EFHD1: variants seen among roughly 807,000 people sequenced by gnomAD.
EFHD1 encodes EF-hand domain-containing protein D1.
EFHD1 carries 10 observed loss-of-function variants against 17.2 expected under a neutral mutation model. That is an observed-to-expected ratio of 0.58 (90% CI 0.36 to 0.99). The LOEUF is 0.99. Among genes scored for constraint, EFHD1 ranks in the 50% least tolerant of loss-of-function variants. The pLI, the probability that EFHD1 is intolerant of heterozygous loss-of-function variation, is 0.01. For missense variants in EFHD1, 310 were observed against 327.5 expected, an observed-to-expected ratio of 0.95 and a Z score of 0.41; for synonymous variants, 153 against 142.0, an observed-to-expected ratio of 1.08 and a Z score of -0.55.
chr2:232,613,617 C>CATAT (rs1163658482), intron 1 of EFHD1, among the ~76,000 whole-genome samples: 1 of 149,562 alleles, frequency 6.7e-6, no homozygotes, highest in South Asian at 2.1e-4. Context: ...CACACACACA[C>CATAT]ACACACACAC....
intron 1 of EFHD1, among the ~76,000 whole-genome samples, chr2:232,653,259 C>T (rs1312860400): frequency 2.6e-5 from 4 of 152,054 alleles, no homozygotes; most frequent in African/African-American, 7.2e-5. Flanking sequence ...TCCCAAAATG[C>T]TAGGATTACA....
At chr2:232,639,549 C>G (rs1694385585) in intron 1 of EFHD1, among the ~76,000 whole-genome samples, 2 of 152,172 alleles carry the variant, frequency 1.3e-5, no homozygotes, top group African/African-American at 4.8e-5. Context: ...ACTTTATACC[C>G]TCAGCCCTGT....
intron 1 of EFHD1, among the ~76,000 whole-genome samples, chr2:232,625,155 G>A (rs1334080466): frequency 1.3e-5 from 2 of 152,138 alleles, no homozygotes; most frequent in African/African-American, 4.8e-5. Flanking sequence ...TTGAGACAAA[G>A]TCTCACTCTG....
At chr2:232,680,298 C>T (rs1018696411) in intron 3 of EFHD1, among the ~76,000 whole-genome samples, 1 of 151,690 alleles carries the variant, frequency 6.6e-6, no homozygotes, top group African/African-American at 2.4e-5. Flanking sequence ...ACATACTCAG[C>T]GTGTTTGGAA....
At chr2:232,681,427 G>T (rs759150845) in intron 3 of EFHD1, among the ~76,000 whole-genome samples, 158 bp from the exon 4 acceptor site, 1 of 152,238 alleles carries the variant, frequency 6.6e-6, no homozygotes, top group Non-Finnish European at 1.5e-5. Context: ...ACTTCTGAAG[G>T]CCACACGGAA....
At chr2:232,638,215 C>T (rs1574711844) in intron 1 of EFHD1, 1 of 401,280 alleles carries the variant, frequency 2.5e-6, no homozygotes, top group Non-Finnish European at 5.1e-6. Flanking sequence ...TTTTAATTAC[C>T]CTGGACTTAT....
At chr2:232,624,817 G>A (rs1694079137) in intron 1 of EFHD1, among the ~76,000 whole-genome samples, 1 of 152,116 alleles carries the variant, frequency 6.6e-6, no homozygotes, top group Non-Finnish European at 1.5e-5. Flanking sequence ...AAAAAAGGAG[G>A]AGCTCCACGC....
At chr2:232,674,217 A>C (rs902348929) in intron 3 of EFHD1, among the ~76,000 whole-genome samples, 2 of 152,224 alleles carry the variant, frequency 1.3e-5, no homozygotes, top group Non-Finnish European at 2.9e-5. Flanking sequence ...AAATGCACAT[A>C]CATGTATGGA....
chr2:232,645,647 T>C (rs1003184380), intron 1 of EFHD1, among the ~76,000 whole-genome samples: 4 of 152,272 alleles, frequency 2.6e-5, no homozygotes, highest in Admixed American at 6.5e-5. Flanking sequence ...AATGGCTGAC[T>C]TCATGGATCA....
intron 1 of EFHD1, among the ~76,000 whole-genome samples, chr2:232,617,717 C>T (rs1693953279): frequency 6.7e-6 from 1 of 149,476 alleles, no homozygotes; most frequent in African/African-American, 2.5e-5. Flanking sequence ...AATCCCAGCA[C>T]TTTGGGAGGC....
At chr2:232,669,467 G>A (rs567002316) in intron 2 of EFHD1, among the ~76,000 whole-genome samples, 5 of 152,092 alleles carry the variant, frequency 3.3e-5, no homozygotes, top group Admixed American at 6.6e-5. Flanking sequence ...GCCTCTCACC[G>A]GCATGAAACA....
intron 1 of EFHD1, among the ~76,000 whole-genome samples, chr2:232,615,021 CT>C (rs1192824488): frequency 6.6e-6 from 1 of 152,110 alleles, no homozygotes; most frequent in Non-Finnish European, 1.5e-5. Context: ...ATGGGTCTCT[CT>C]TTGATACCCA....
At chr2:232,675,246 G>GAAAGA (rs71056291) in intron 3 of EFHD1, among the ~76,000 whole-genome samples, 6,322 of 149,316 alleles carry the variant, frequency 0.042, 414 homozygotes, top group African/African-American at 0.14. Flanking sequence ...AGAAAGAAAA[G>GAAAGA]AAAGAAAAGA....
At chr2:232,676,665 A>G (rs939705796) in intron 3 of EFHD1, among the ~76,000 whole-genome samples, 1 of 152,208 alleles carries the variant, frequency 6.6e-6, no homozygotes, top group Non-Finnish European at 1.5e-5. Context: ...CACAACATAG[A>G]CCACAGGAGC....
chr2:232,649,589 A>G lies in EFHD1; in HGVS notation c.303-13213A>G, dbSNP rs539278524. 1.1e-4 allele frequency among the ~76,000 whole-genome samples: 16 copies of G among 152,264 alleles called. No homozygotes were observed. The East Asian group carries it at 3.1e-3, about 29-fold the overall frequency. On this transcript the variant is annotated intron_variant, in intron 1 of 3. Transcript: ENST00000264059. ...AGCCCTGGGAACTGTCTGCTTCCTC[A>G]TGACCGCAGACAAGTGCTACTTTAA...
upstream of EFHD1, among the ~76,000 whole-genome samples, chr2:232,631,691 TAA>T (rs34689384): frequency 8.6e-6 from 1 of 115,774 alleles, no homozygotes. Context: ...ATAAGAACAT[TAA>T]AAAAAAAAAA....
intron 1 of EFHD1, among the ~76,000 whole-genome samples, chr2:232,641,389 T>A (rs1208757159): frequency 6.6e-6 from 1 of 152,154 alleles, no homozygotes; most frequent in Non-Finnish European, 1.5e-5. Context: ...TGAGCTGCTT[T>A]CTCTGGAGTT....
chr2:232,643,746 A>G (rs2106199393), intron 1 of EFHD1, among the ~76,000 whole-genome samples: 1 of 151,754 alleles, frequency 6.6e-6, no homozygotes, highest in African/African-American at 2.4e-5. Flanking sequence ...TGCAGTGGCA[A>G]GATCCTGGCT....
At chr2:232,614,184 C>T (rs775522831) in intron 1 of EFHD1, among the ~76,000 whole-genome samples, 1 of 150,570 alleles carries the variant, frequency 6.6e-6, no homozygotes, top group Non-Finnish European at 1.5e-5. Context: ...ACACACACAC[C>T]TATACACACA....
Sources: gnomAD v4.1 joint callset for allele counts (sites outside exome capture counted in the v4.1 genomes callset) on GRCh38, gnomAD v4.1.1 for gene constraint, MANE v1.5 for transcripts, NCBI Gene and HGNC (gene_info 2026-07-23, HGNC 2026-07-21) for gene names.